The following PHF21A variants were observed in gnomAD, a reference collection of about 807,000 sequenced individuals.
The protein encoded by PHF21A is PHD finger protein 21A.
Under a neutral mutation model 82.5 loss-of-function variants are expected in PHF21A, and 11 were observed. The ratio of observed to expected loss-of-function variants is 0.13; its 90% CI spans 0.08 to 0.22. The LOEUF is 0.22. Ranked by LOEUF, PHF21A falls within the 10% of genes least tolerant of loss-of-function variation. The probability of loss-of-function intolerance (pLI) is 1.00; values close to 1 mark genes in which losing one functional copy is unlikely to be tolerated. For synonymous variants in PHF21A, 297 were observed against 302.8 expected (o/e 0.98, Z 0.20); for missense variants, 579 against 837.8 (o/e 0.69, Z 3.81).
intron 6 of PHF21A, among the ~76,000 whole-genome samples, chr11:46,040,600 T>C (rs1038721457): frequency 4.6e-5 from 7 of 152,108 alleles, no homozygotes; most frequent in African/African-American, 1.7e-4. Flanking sequence ...TACAATCTAG[T>C]GCACCAAAAA....
At chr11:46,017,085 C>G (rs905488717) in intron 6 of PHF21A, among the ~76,000 whole-genome samples, 1 of 152,034 alleles carries the variant, frequency 6.6e-6, no homozygotes, top group Non-Finnish European at 1.5e-5. Context: ...ATTCTCCTGC[C>G]TCAGCCTCCT....
At chr11:46,045,763 C>T (rs575574779) in intron 6 of PHF21A, among the ~76,000 whole-genome samples, 2 of 152,216 alleles carry the variant, frequency 1.3e-5, no homozygotes, top group South Asian at 2.1e-4. Context: ...CCTACTCTTG[C>T]CTTCTGTGAG....
chr11:46,120,316 G>A (rs563676499), intron 1 of PHF21A: 1 of 114,936 alleles, frequency 8.7e-6, no homozygotes, highest in African/African-American at 3.4e-5. Flanking sequence ...GGGGTGGGGG[G>A]GATGGAGGAG....
chr11:45,994,472 C>T (rs934563644), intron 6 of PHF21A, among the ~76,000 whole-genome samples: 9 of 152,172 alleles, frequency 5.9e-5, no homozygotes, highest in African/African-American at 1.7e-4. Context: ...TACTAGGAAT[C>T]CTGGCTGCCC....
Position 45,934,501 on chromosome 11 carries a change from A to G in PHF21A, c.1789-276T>C, listed in dbSNP as rs563897316. On this transcript the variant is annotated intron_variant, in intron 18 of 18. Coordinates refer to ENST00000676320, the MANE Select transcript of PHF21A (RefSeq NM_001352027.3). Reference sequence around the variant, plus strand: ...CAACACACAGGAGTACTAACGCTTAAAAACAAACCGGCAGAGCCGCCATCA... The same window carrying G: ...CAACACACAGGAGTACTAACGCTTAGAAACAAACCGGCAGAGCCGCCATCA... 4 of 388,982 alleles carry G rather than the reference A, an allele frequency of 1.0e-5. No individual in the cohort carries two copies. In the South Asian group the frequency reaches 2.6e-4, roughly 26 times the overall value. The allele number at this position is 388,982 out of a possible 1,614,324, so 24.1% of individuals were successfully genotyped here. A position where few individuals can be genotyped will look rare whatever the true frequency, so the allele number is the denominator to read the frequency against.
chr11:45,992,577 G>A (rs1054323348), intron 6 of PHF21A, among the ~76,000 whole-genome samples: 22 of 152,220 alleles, frequency 1.4e-4, no homozygotes, highest in African/African-American at 5.1e-4. Context: ...ATCACAAGGT[G>A]AACCAAAAAT....
rs761321132 is a variant in PHF21A, at chr11:45,938,219, A to G, written c.1546T>C (p.Leu516=). 13 of 1,609,852 alleles carry G rather than the reference A, an allele frequency of 8.1e-6. No individual in the cohort carries two copies. In the South Asian group the frequency reaches 1.1e-4, roughly 14 times the overall value. ...TCSRVYHLDC[L]DPPLKTIPKG... ...GGAATTGTTTTCAGAGGGGGGTCTA[A>G]GCAGTCCAAATGATATACACGGGAA... Residue 516 remains leucine, a synonymous_variant, in exon 16 of 19, where the codon TTA becomes CTA. Coordinates refer to ENST00000676320, the MANE Select transcript of PHF21A (RefSeq NM_001352027.3).
At chr11:46,100,294 T>C (rs576531456) in intron 1 of PHF21A, among the ~76,000 whole-genome samples, 1 of 151,988 alleles carries the variant, frequency 6.6e-6, no homozygotes, top group Non-Finnish European at 1.5e-5. Context: ...CCCATGAGCA[T>C]GGACTTTTTT....
intron 6 of PHF21A, among the ~76,000 whole-genome samples, chr11:45,995,461 T>G (rs1391207196): frequency 6.6e-6 from 1 of 152,214 alleles, no homozygotes; most frequent in Admixed American, 6.5e-5. Flanking sequence ...ACAGTTATAC[T>G]GTCATAATTT....
chr11:45,954,408 A>C (rs932758211), intron 10 of PHF21A, among the ~76,000 whole-genome samples: 3 of 152,204 alleles, frequency 2.0e-5, no homozygotes, highest in Admixed American at 6.5e-5. Context: ...TTCCAGTCAT[A>C]ATCTCAGAGA....
rs2096908704 is a variant in PHF21A, at chr11:46,090,264, A to C, written c.-84+191T>G. Among the ~76,000 whole-genome samples, 5 of 152,178 alleles carry C rather than the reference A, an allele frequency of 3.3e-5. No individual in the cohort carries two copies. The South Asian group carries it at 1.0e-3, about 31-fold the overall frequency. Reference sequence around the variant, plus strand: ...ATATTTAATGACTATTTAAAAAAAAACTGTCCAGACAAGCCTGGCCAGAAT... The same window carrying C: ...ATATTTAATGACTATTTAAAAAAAACCTGTCCAGACAAGCCTGGCCAGAAT... On this transcript the variant is annotated intron_variant, in intron 3 of 18. Coordinates refer to ENST00000676320, the MANE Select transcript of PHF21A (RefSeq NM_001352027.3).
chr11:46,115,166 A>C (rs1189396804), intron 1 of PHF21A, among the ~76,000 whole-genome samples: 2 of 152,108 alleles, frequency 1.3e-5, no homozygotes, highest in Admixed American at 6.6e-5. Context: ...AGGGTACTGA[A>C]AGGGAGAAGT....
At chr11:46,118,085 A>T (rs2136186981) in intron 1 of PHF21A, 1 of 152,304 alleles carries the variant, frequency 6.6e-6, no homozygotes, top group East Asian at 1.9e-4. Context: ...GCAGAAGAAG[A>T]GTATTTCAGA....
chr11:46,021,036 G>A (rs1310472359), intron 6 of PHF21A, among the ~76,000 whole-genome samples: 1 of 151,486 alleles, frequency 6.6e-6, no homozygotes, highest in African/African-American at 2.4e-5. Flanking sequence ...ATCTGAATAT[G>A]GAAGGGACCA....
chr11:45,976,414 C>G (rs1009777033), intron 7 of PHF21A, among the ~76,000 whole-genome samples: 3 of 152,130 alleles, frequency 2.0e-5, no homozygotes, highest in Admixed American at 6.5e-5. Context: ...TAGAACAGTG[C>G]TTGCACACAG....
intron 4 of PHF21A, among the ~76,000 whole-genome samples, chr11:46,081,988 C>A (rs1051245781): frequency 2.6e-5 from 4 of 151,996 alleles, no homozygotes; most frequent in Admixed American, 2.6e-4. Flanking sequence ...GGAGTAAATA[C>A]CCTGAAAATT....
At chr11:45,939,554 CAATGGG>C (rs907776466) in intron 15 of PHF21A, among the ~76,000 whole-genome samples, 10 of 152,028 alleles carry the variant, frequency 6.6e-5, no homozygotes, top group African/African-American at 2.4e-4. Flanking sequence ...GTTTGCTGTT[CAATGGG>C]CCATTCTATT....
intron 6 of PHF21A, among the ~76,000 whole-genome samples, chr11:45,996,190 T>C (rs1415794111): frequency 1.3e-5 from 2 of 152,154 alleles, no homozygotes; most frequent in Non-Finnish European, 2.9e-5. Context: ...GTCACCCTCC[T>C]GGCTCGGCCT....
At position 45,929,419 on chromosome 11, in the gene PHF21A, CA is replaced by C. The variant is rs1299174826; in HGVS notation, c.*4548del. The C allele has an allele frequency of 1.3e-5, 2 of 153,720 alleles. No homozygotes were observed. Among genetic ancestry groups the C allele is most frequent in the African/African-American group, 4.8e-5 (2 of 41,320 alleles). The allele number at this position is 153,720 out of a possible 1,614,324, so 9.5% of individuals were successfully genotyped here. Reference sequence around the variant, plus strand: ...CCCCCCACCCCCTCAAAACAAAAACCAAACAAACAAAAACAAAAACTTTGAA... The same window carrying C: ...CCCCCCACCCCCTCAAAACAAAAACCAACAAACAAAAACAAAAACTTTGAA... On this transcript the variant is annotated 3_prime_UTR_variant, in exon 19 of 19. Transcript: ENST00000676320.
Sources: allele counts gnomAD v4.1 joint callset (sites outside exome capture counted in the v4.1 genomes callset), GRCh38; gene constraint gnomAD v4.1.1; transcripts MANE v1.5; gene names NCBI Gene and HGNC (gene_info 2026-07-23, HGNC 2026-07-21).